Variants in SASH1 observed in about 807,000 individuals in gnomAD.
SASH1 encodes the protein SAM and SH3 domain-containing protein 1.
SASH1 carries 44 observed loss-of-function variants against 125.2 expected under a neutral mutation model. The observed-to-expected ratio is 0.35, with a 90% CI of 0.28 to 0.45. The LOEUF is 0.45. Ranked by LOEUF, SASH1 falls within the 20% of genes least tolerant of loss-of-function variation. SASH1 has a pLI of 1.00. For missense variants in SASH1, 1,426 were observed against 1,614.5 expected (o/e 0.88, Z 2.00); for synonymous variants, 639 against 649.1 (o/e 0.98, Z 0.24).
chr6:148,205,049 G>A, the SASH1 span, among the ~76,000 whole-genome samples: 2 of 152,074 alleles, frequency 1.3e-5, no homozygotes, highest in Non-Finnish European at 2.9e-5. Flanking sequence ...AATGGGTATC[G>A]CTAATTTCCA....
At position 148,482,493 on chromosome 6, in the gene SASH1, T is replaced by C. The variant is rs949564645; in HGVS notation, c.628-5121T>C. Among the ~76,000 whole-genome samples the C allele has an allele frequency of 6.6e-5, 10 of 152,038 alleles. No homozygotes were observed. The East Asian group carries it at 1.9e-3, about 29-fold the overall frequency. On this transcript the variant is annotated intron_variant, in intron 7 of 19. Coordinates refer to ENST00000367467, the MANE Select transcript of SASH1 (RefSeq NM_015278.5). The stretch of plus-strand genomic sequence containing the variant: ...AGCAAAGAGCACTTAATGTTTGTCA[T>C]TGACTGTCACTGATGTTTTGGCATG...
chr6:148,304,994 G>A (rs549566581), intron 1 of SASH1, among the ~76,000 whole-genome samples: 1 of 152,298 alleles, frequency 6.6e-6, no homozygotes, highest in Non-Finnish European at 1.5e-5. Flanking sequence ...TTGTGCCACT[G>A]CACTCTAGCC....
rs1780729679 is a variant in SASH1, at chr6:148,324,117, T to TCAAAAAAAAAAA, written n.74+51741_74+51752dup. Among the ~76,000 whole-genome samples, 4 of 1,814 alleles carry TCAAAAAAAAAAA rather than the reference T, an allele frequency of 2.2e-3. 1 individual carries two copies. The highest frequency in any genetic ancestry group is 2.9e-3 in the Non-Finnish European group (3 of 1,032). 1.2% of individuals were successfully genotyped at this position (1,814 alleles called of 152,430 possible). On this transcript the variant is annotated intron_variant and non_coding_transcript_variant, in intron 1 of 3. Transcript: ENST00000367469. ...CGTGGTGACAGAGCAAGAATCTGTC[T>TCAAAAAAAAAAA]CAAAAAAAAAAAAAAAAAACAAGCA...
the SASH1 span, among the ~76,000 whole-genome samples, chr6:148,254,095 T>A: frequency 6.6e-6 from 1 of 151,850 alleles, no homozygotes; most frequent in Non-Finnish European, 1.5e-5. Context: ...TAATCCCAGC[T>A]ACTTGGGAGG....
the SASH1 span, chr6:148,240,157 G>C: frequency 8.4e-6 from 1 of 119,152 alleles, no homozygotes; most frequent in African/African-American, 3.3e-5. Flanking sequence ...CTGTTGTTTT[G>C]TTTGCTTTTT....
At chr6:148,522,280 CA>C (rs1174855221) in intron 10 of SASH1, among the ~76,000 whole-genome samples, 1 of 152,146 alleles carries the variant, frequency 6.6e-6, no homozygotes, top group Non-Finnish European at 1.5e-5. Context: ...TACAATCAAA[CA>C]AATTTAACTT....
chr6:148,390,712 T>C (rs1189102892), intron 2 of SASH1, among the ~76,000 whole-genome samples: 5 of 151,278 alleles, frequency 3.3e-5, no homozygotes, highest in South Asian at 4.2e-4. Flanking sequence ...GGCGTGAACC[T>C]GGGTGGCAGA....
At chr6:148,492,414 G>A (rs1005854641) in intron 8 of SASH1, among the ~76,000 whole-genome samples, 1 of 152,148 alleles carries the variant, frequency 6.6e-6, no homozygotes, top group African/African-American at 2.4e-5. Flanking sequence ...AGACGTTTAT[G>A]GAGCCCTTGC....
In SASH1 at chr6:148,519,858, G is replaced by T; in HGVS notation, c.1174G>T (p.Glu392Ter). The change falls in exon 10 of 20, where the codon GAG becomes TAG. Residue 392 changes from glutamate to a stop codon, truncating the protein, a stop_gained. Transcript: ENST00000367467. LOFTEE classifies it high-confidence loss of function. The surrounding 1 kb of genome is among the most constrained non-coding windows in gnomAD (Gnocchi z 4.8). ...QKVSRSLTEG[E>*]MKKGLGSLSH... is the part of the protein sequence containing the mutation. ...AGTGTCCCGCTCCCTCACCGAGGGG[G>T]AGATGAAGAAGGGTCTCGGGTCCCT... The T allele has an allele frequency of 6.3e-7, 1 of 1,599,428 alleles. No individual in the cohort carries two copies. The highest frequency in any genetic ancestry group is 8.5e-7 in the Non-Finnish European group (1 of 1,173,820).
intron 16 of SASH1, 130 bp from the exon 17 acceptor site, chr6:148,540,313 C>CTAT (rs1782138773): frequency 3.0e-6 from 2 of 664,178 alleles, no homozygotes; most frequent in African/African-American, 1.8e-5. Flanking sequence ...TTGATCTCAT[C>CTAT]TATTTTAAGA....
intron 1 of SASH1, among the ~76,000 whole-genome samples, chr6:148,275,712 TA>T (rs1189108430): frequency 9.2e-5 from 14 of 152,226 alleles, no homozygotes; most frequent in African/African-American, 3.4e-4. Context: ...GTATTTACAT[TA>T]ATCACATTAT....
intron 1 of SASH1, among the ~76,000 whole-genome samples, chr6:148,354,264 A>G (rs1781843354): frequency 6.6e-6 from 1 of 152,246 alleles, no homozygotes; most frequent in African/African-American, 2.4e-5. Context: ...AATGCTTGTA[A>G]TAAAAGTATA....
intron 2 of SASH1, among the ~76,000 whole-genome samples, chr6:148,396,727 G>A (rs1218947770): frequency 6.6e-6 from 1 of 152,146 alleles, no homozygotes; most frequent in Non-Finnish European, 1.5e-5. Flanking sequence ...GCAAGAGGGT[G>A]TAAGAAACAT....
intron 1 of SASH1, among the ~76,000 whole-genome samples, chr6:148,304,739 A>T (rs1326028003): frequency 6.6e-6 from 1 of 152,226 alleles, no homozygotes; most frequent in East Asian, 1.9e-4. Context: ...AATAACTTCT[A>T]CATTCTGGCC....
intron 9 of SASH1, among the ~76,000 whole-genome samples, chr6:148,518,130 G>C (rs544230897): frequency 2.6e-5 from 4 of 152,262 alleles, no homozygotes; most frequent in African/African-American, 7.2e-5. Flanking sequence ...CACCTTGTCA[G>C]TCAGGTGTCC....
intron 5 of SASH1, 32 bp downstream of exon 5, chr6:148,468,617 A>T (rs745587073): frequency 5.8e-6 from 8 of 1,384,892 alleles, no homozygotes; most frequent in Non-Finnish European, 8.1e-6. Context: ...TTACCTATTT[A>T]ATTATTTCAA....
intron 2 of SASH1, among the ~76,000 whole-genome samples, chr6:148,427,855 G>GC (rs1216962665): frequency 3.9e-5 from 6 of 152,180 alleles, no homozygotes; most frequent in African/African-American, 1.4e-4. Context: ...CCTCAGGGAG[G>GC]CCCCCTTGGT....
chr6:148,354,731 C>T (rs1781860124), intron 1 of SASH1, among the ~76,000 whole-genome samples: 1 of 152,072 alleles, frequency 6.6e-6, no homozygotes, highest in African/African-American at 2.4e-5. Context: ...GAACTATAAG[C>T]CTGTAATGAA....
intron 10 of SASH1, chr6:148,524,649 G>A: frequency 6.6e-6 from 1 of 152,338 alleles, no homozygotes; most frequent in South Asian, 2.1e-4. Context: ...TGAGAGAAAA[G>A]GGTCACCATG....
Sources: allele counts gnomAD v4.1 joint callset (sites outside exome capture counted in the v4.1 genomes callset), GRCh38; gene constraint gnomAD v4.1.1; non-coding constraint Gnocchi (gnomAD v3.1); transcripts MANE v1.5; gene names NCBI Gene and HGNC (gene_info 2026-07-23, HGNC 2026-07-21).